EXOSC4: variants seen among roughly 807,000 people sequenced by gnomAD.
The protein encoded by EXOSC4 is exosome component 4.
Under a neutral mutation model 20.0 loss-of-function variants are expected in EXOSC4, and 14 were observed. The observed-to-expected ratio is 0.70, with a 90% confidence interval of 0.46 to 1.09. EXOSC4 has a LOEUF of 1.09. Among genes scored for constraint, EXOSC4 ranks in the 50% least tolerant of loss-of-function variants. The pLI is 0.00. For missense variants in EXOSC4, 337 were observed against 334.0 expected (o/e 1.01, Z -0.07); for synonymous variants, 148 against 146.4 (o/e 1.01, Z -0.08).
At chr8:144,079,534 G>A (rs1454013536) in intron 1 of EXOSC4, 6 of 362,668 alleles carry the variant, frequency 1.7e-5, no homozygotes, top group Non-Finnish European at 2.7e-5. Flanking sequence ...AAAGACTGCT[G>A]GTGGGGAAAG....
chr8:144,075,516 G>A (rs1242258472), upstream of EXOSC4, among the ~76,000 whole-genome samples: 36 of 152,020 alleles, frequency 2.4e-4, no homozygotes, highest in African/African-American at 7.7e-4. Flanking sequence ...GTGAGCCACC[G>A]CGCCCGGCCC....
At chr8:144,064,118 G>GC in the EXOSC4 span, among the ~76,000 whole-genome samples, 1 of 152,370 alleles carries the variant, frequency 6.6e-6, no homozygotes, top group Non-Finnish European at 1.5e-5. Flanking sequence ...CTGACCTCCA[G>GC]CCCCCTGAGG....
upstream of EXOSC4, among the ~76,000 whole-genome samples, chr8:144,075,311 C>G (rs1377085112): frequency 6.6e-6 from 1 of 152,034 alleles, no homozygotes; most frequent in Non-Finnish European, 1.5e-5. Flanking sequence ...ACTGCAACCT[C>G]CGCCTCCTGG....
At chr8:144,073,846 G>A (rs1244535386), upstream of EXOSC4, among the ~76,000 whole-genome samples, 2 of 150,830 alleles carry the variant, frequency 1.3e-5, no homozygotes, top group African/African-American at 4.9e-5. Context: ...GCGAGACTCT[G>A]TCTCAAAAAA....
At chr8:144,074,542 A>AT (rs1378258879), upstream of EXOSC4, among the ~76,000 whole-genome samples, 14 of 151,878 alleles carry the variant, frequency 9.2e-5, no homozygotes, top group East Asian at 2.1e-3. Context: ...ACTCAAATTC[A>AT]TTTTTTTGGG....
At chr8:144,071,964 A>C in the EXOSC4 span, among the ~76,000 whole-genome samples, 1 of 152,176 alleles carries the variant, frequency 6.6e-6, no homozygotes, top group African/African-American at 2.4e-5. Flanking sequence ...TGGGTGACAG[A>C]GTGAGATGTT....
chr8:144,066,220 C>A, the EXOSC4 span, among the ~76,000 whole-genome samples: 1 of 150,698 alleles, frequency 6.6e-6, no homozygotes, highest in Admixed American at 6.6e-5. Flanking sequence ...AGGGTTTCAC[C>A]GTGTTAGCCA....
rs782178166 is a variant in EXOSC4 at position 144,080,033 on chromosome 8, C to G, written c.262C>G (p.Arg88Gly). 6.2e-7 allele frequency: 1 copy of G among 1,614,106 alleles called. No individual in the cohort carries two copies. Among genetic ancestry groups the G allele is most frequent in the East Asian group, 2.2e-5 (1 of 44,892 alleles). The stretch of plus-strand genomic sequence containing the variant: ...GACCTTCAGCACAGGTGAGCGCAAG[C>G]GACGGCCACATGGGGACCGTAAGTC... ...SATFSTGERK[R>G]RPHGDRKSCE... The change falls in exon 2 of 3, where the codon CGA (arginine) becomes GGA (glycine). Residue 88 changes from arginine (R) to glycine (G), a missense_variant. Transcript: ENST00000316052. This position sits in a 1 kb window ranked among gnomAD's most constrained non-coding sequence, Gnocchi z 4.9.
chr8:144,078,859 G>C lies in EXOSC4; in HGVS notation c.131G>C (p.Gly44Ala), dbSNP rs781807278. 1.7e-5 allele frequency: 26 copies of C among 1,554,582 alleles called. No homozygotes were observed. Among genetic ancestry groups the C allele is most frequent in the Non-Finnish European group, 2.2e-5 (25 of 1,151,580 alleles). Residue 44 changes from glycine (G) to alanine (A), a missense_variant, in exon 1 of 3, where the codon GGC (glycine) becomes GCC (alanine). Physicochemically the swap from Gly to Ala is moderately conservative, Grantham distance 60. Transcript: ENST00000316052. The surrounding 1 kb of genome is among the most constrained non-coding windows in gnomAD (Gnocchi z 4.7). ...QADGSAYIEQGNTKALAVVYG... is the reference protein window; with the variant it reads ...QADGSAYIEQANTKALAVVYG... ...GACGGCTCGGCCTACATTGAGCAGG[G>C]CAACACCAAGGCACTGGCTGTGGTC...
chr8:144,079,291 C>A, intron 1 of EXOSC4: 1 of 211,028 alleles, frequency 4.7e-6, no homozygotes. Flanking sequence ...TTTGCTTAAG[C>A]ATTTTCCCCT....
At chr8:144,077,117 ATCCCACCT>A (rs1391337067), upstream of EXOSC4, among the ~76,000 whole-genome samples, 3 of 150,740 alleles carry the variant, frequency 2.0e-5, no homozygotes, top group Non-Finnish European at 4.4e-5. Context: ...GGTGCCTGTA[ATCCCACCT>A]TCCCAGCTAC....
At chr8:144,064,903 G>A in the EXOSC4 span, among the ~76,000 whole-genome samples, 6 of 149,254 alleles carry the variant, frequency 4.0e-5, no homozygotes, top group Non-Finnish European at 8.9e-5. Flanking sequence ...GTGCAGTGGC[G>A]CCATCTGGGC....
the EXOSC4 span, among the ~76,000 whole-genome samples, chr8:144,070,125 G>A: frequency 6.6e-6 from 1 of 152,186 alleles, no homozygotes; most frequent in Non-Finnish European, 1.5e-5. Context: ...TTAGTGCCTG[G>A]GAAAGTTCAA....
upstream of EXOSC4, among the ~76,000 whole-genome samples, chr8:144,075,710 G>T (rs1177197912): frequency 6.6e-6 from 1 of 152,226 alleles, no homozygotes; most frequent in African/African-American, 2.4e-5. Context: ...TTATAAAAAG[G>T]TGTTGTCATC....
At chr8:144,078,522 A>G (rs1005739297), upstream of EXOSC4, 1 of 453,014 alleles carries the variant, frequency 2.2e-6, no homozygotes, top group Non-Finnish European at 3.7e-6. This position sits in a 1 kb window ranked among gnomAD's most constrained non-coding sequence, Gnocchi z 4.7. Flanking sequence ...GGTGAACTCC[A>G]GTTCACCAGG....
the EXOSC4 span, among the ~76,000 whole-genome samples, chr8:144,065,176 C>CG: frequency 2.6e-5 from 4 of 152,128 alleles, no homozygotes; most frequent in East Asian, 7.7e-4. Flanking sequence ...CACTTCTGCA[C>CG]AGTTACTTTG....
At chr8:144,075,809 T>C (rs1378125021), upstream of EXOSC4, among the ~76,000 whole-genome samples, 3 of 152,292 alleles carry the variant, frequency 2.0e-5, no homozygotes, top group Non-Finnish European at 2.9e-5. Flanking sequence ...CATTTTGTGA[T>C]GTTTGTAGTA....
At chr8:144,076,832 G>A (rs1040886220), upstream of EXOSC4, among the ~76,000 whole-genome samples, 13 of 152,344 alleles carry the variant, frequency 8.5e-5, no homozygotes, top group East Asian at 1.3e-3. Flanking sequence ...GCGGGAGGCC[G>A]AGGCAGGTGG....
chr8:144,073,905 C>T (rs1424631856), upstream of EXOSC4, among the ~76,000 whole-genome samples: 3 of 152,090 alleles, frequency 2.0e-5, no homozygotes, highest in African/African-American at 7.2e-5. Flanking sequence ...TGGCAATGAG[C>T]TCATGTTCCT....
Sources: allele counts gnomAD v4.1 joint callset (sites outside exome capture counted in the v4.1 genomes callset), GRCh38; gene constraint gnomAD v4.1.1; non-coding constraint Gnocchi (gnomAD v3.1); transcripts MANE v1.5; gene names NCBI Gene and HGNC (gene_info 2026-07-23, HGNC 2026-07-21).